NLRP7: variants seen among roughly 807,000 people sequenced by gnomAD.
NLRP7 encodes the protein NACHT, LRR and PYD domains-containing protein 7.
Under a neutral mutation model 85.5 loss-of-function variants are expected in NLRP7, and 72 were observed. The ratio of observed to expected loss-of-function variants is 0.84; its 90% CI spans 0.70 to 1.02. The LOEUF is 1.02. Ranked by LOEUF, NLRP7 falls within the 50% of genes least tolerant of loss-of-function variation. NLRP7 has a pLI of 0.00. For synonymous variants in NLRP7, 550 were observed against 505.2 expected (o/e 1.09, Z -1.19); for missense variants, 1,243 against 1,219.5 (o/e 1.02, Z -0.29).
intron 5 of NLRP7, among the ~76,000 whole-genome samples, chr19:54,936,636 A>G (rs540402647): frequency 3.6e-4 from 54 of 151,534 alleles, no homozygotes; most frequent in African/African-American, 1.2e-3. Flanking sequence ...AACCTGGGCA[A>G]CATGGTGAAA....
At chr19:54,929,561 C>G (rs769781325) in intron 9 of NLRP7, among the ~76,000 whole-genome samples, 1 of 152,036 alleles carries the variant, frequency 6.6e-6, no homozygotes, top group Non-Finnish European at 1.5e-5. Context: ...TTTGTGGAGA[C>G]TTTGCATTTT....
At chr19:54,951,861 C>T (rs2069680149), upstream of NLRP7, among the ~76,000 whole-genome samples, 1 of 152,028 alleles carries the variant, frequency 6.6e-6, no homozygotes, top group Non-Finnish European at 1.5e-5. Flanking sequence ...CACAATTCTC[C>T]TGCCTCAGCC....
chr19:54,940,262 G>A lies in NLRP7; in HGVS notation c.557C>T (p.Thr186Met), dbSNP rs374175601. The change falls in exon 4 of 10, where the codon ACG becomes ATG. Residue 186 changes from threonine to methionine, a missense_variant. Thr to Met is a moderately conservative substitution (Grantham distance 81, BLOSUM62 -1). This residue lies in a region of NLRP7 where 591 missense variants were observed against 563.3 expected (regional missense o/e 1.05). Transcript: ENST00000340844. ...GTCCAGCATACACTTTTTGGCCAGCGTGGTTTTCCCCACGCCTGCGGGGCC... is the reference window on the plus strand; with the variant it reads ...GTCCAGCATACACTTTTTGGCCAGCATGGTTTTCCCCACGCCTGCGGGGCC... 4.6e-5 allele frequency: 75 copies of A among 1,614,056 alleles called. No individual in the cohort carries two copies. The Middle Eastern group carries it at 4.9e-4, about 11-fold the overall frequency.
chr19:54,936,130 A>T, intron 6 of NLRP7, 131 bp downstream of exon 6: 1 of 772,834 alleles, frequency 1.3e-6, no homozygotes, highest in South Asian at 1.5e-5. Context: ...ACTCCCCCAC[A>T]CAGGCCTGTT....
intron 1 of NLRP7, among the ~76,000 whole-genome samples, chr19:54,953,594 G>A (rs376144644): frequency 1.0e-4 from 15 of 149,466 alleles, no homozygotes; most frequent in Non-Finnish European, 1.6e-4. Flanking sequence ...CCTGGGGCGC[G>A]GGGCTGTCTG....
At chr19:54,926,986 A>C (rs1047964360) in intron 9 of NLRP7, among the ~76,000 whole-genome samples, 4 of 151,096 alleles carry the variant, frequency 2.6e-5, no homozygotes, top group Admixed American at 6.6e-5. Context: ...GCTACTCAGG[A>C]GGTTGAGGCA....
chr19:54,952,094 T>G (rs913896015), upstream of NLRP7, among the ~76,000 whole-genome samples: 1 of 152,030 alleles, frequency 6.6e-6, no homozygotes, highest in African/African-American at 2.4e-5. Flanking sequence ...ACAGATAAAC[T>G]CTGGGACATT....
At chr19:54,933,247 G>A (rs779052411) in intron 8 of NLRP7, among the ~76,000 whole-genome samples, 1 of 152,024 alleles carries the variant, frequency 6.6e-6, no homozygotes, top group African/African-American at 2.4e-5. Context: ...CCAGGTTCAC[G>A]CCATTCTCCT....
intron 8 of NLRP7, 24 bp downstream of exon 8, chr19:54,933,545 C>A (rs2068763836): frequency 1.2e-6 from 2 of 1,613,466 alleles, no homozygotes; most frequent in Non-Finnish European, 8.5e-7. Flanking sequence ...TGTGCACACA[C>A]ACACACACCC....
At chr19:54,942,452 G>A (rs1197084596) in intron 1 of NLRP7, among the ~76,000 whole-genome samples, 2 of 151,948 alleles carry the variant, frequency 1.3e-5, no homozygotes, top group South Asian at 2.1e-4. Flanking sequence ...GGCAGGGCGC[G>A]GTGGCTCACG....
Position 54,940,085 on chromosome 19 carries a change from G to A in NLRP7, c.734C>T (p.Ala245Val), listed in dbSNP as rs765567954. The A allele has an allele frequency of 2.5e-6, 4 of 1,614,222 alleles. No individual in the cohort carries two copies. In the South Asian group the frequency reaches 4.4e-5, roughly 18 times the overall value. ...ATCGACCACGAACAGGATTCTCTGTGCTTGGGCTAGGATGCTTGGAATGTC... is the reference window on the plus strand; with the variant it reads ...ATCGACCACGAACAGGATTCTCTGTACTTGGGCTAGGATGCTTGGAATGTC... The change falls in exon 4 of 10, where the codon GCA becomes GTA. Residue 245 changes from alanine (A) to valine (V), a missense_variant. By Grantham distance (64) the Ala-to-Val change is moderately conservative. Coordinates refer to ENST00000340844, the Ensembl canonical transcript of NLRP7.
At chr19:54,947,587 A>C (rs1490320411), upstream of NLRP7, 1 of 1,289,542 alleles carries the variant, frequency 7.8e-7, no homozygotes, top group Non-Finnish European at 1.0e-6. Flanking sequence ...CCCAGGGTGG[A>C]ACCGCCCCAC....
intron 1 of NLRP7, among the ~76,000 whole-genome samples, chr19:54,957,350 T>G (rs1044510335): frequency 2.0e-5 from 3 of 149,038 alleles, no homozygotes; most frequent in Non-Finnish European, 4.5e-5. Context: ...CTTCTTCTTT[T>G]TTTTTTTTTT....
chr19:54,940,281 C>G, exon 4 of NLRP7: 3 of 1,614,100 alleles, frequency 1.9e-6, no homozygotes, highest in South Asian at 1.1e-5. Context: ...CCCACGCCTG[C>G]GGGGCCGTGC....
rs1265741820 is a variant in NLRP7 at position 54,934,117 on chromosome 19, T to C, written c.2471+372A>G. Among the ~76,000 whole-genome samples the C allele has an allele frequency of 6.6e-6, 1 of 152,068 alleles. No homozygotes were observed. Among genetic ancestry groups the C allele is most frequent in the East Asian group, 1.9e-4 (1 of 5,182 alleles). On this transcript the variant is annotated intron_variant, in intron 7 of 9. Transcript: ENST00000340844. This position sits in a 1 kb window ranked among gnomAD's most constrained non-coding sequence, Gnocchi z 6.7. ...CACCACACCTGGATAATTTTTTGTA[T>C]TTTTTAGTAGAGACGGGGTTTCACC... is the stretch of plus-strand genomic sequence containing the variant.
chr19:54,948,898 G>A, upstream of NLRP7: 1 of 189,380 alleles, frequency 5.3e-6, no homozygotes, highest in Admixed American at 4.9e-5. Context: ...CAGAATTTTG[G>A]TAGTTTAAAC....
Position 54,934,890 on chromosome 19 carries a change from T to C in NLRP7, c.2301-231A>G, listed in dbSNP as rs768825867. Among the ~76,000 whole-genome samples, 17 of 152,176 alleles carry C rather than the reference T, an allele frequency of 1.1e-4. 1 individual carries two copies. In the Middle Eastern group the frequency reaches 0.01, roughly 91 times the overall value. ...TTTTGTATTTTTAGTAGAGACGGGA[T>C]TTCACCATGTTGGCCACACTGGTCT... On this transcript the variant is annotated intron_variant, in intron 6 of 9. Coordinates refer to ENST00000340844, the Ensembl canonical transcript of NLRP7. This position sits in a 1 kb window ranked among gnomAD's most constrained non-coding sequence, Gnocchi z 6.7.
At chr19:54,945,238 CAAA>C (rs75770706) in intron 1 of NLRP7, among the ~76,000 whole-genome samples, 1 of 69,672 alleles carries the variant, frequency 1.4e-5, no homozygotes, top group Non-Finnish European at 3.0e-5. Context: ...GACTCCCTCT[CAAA>C]AAAAAAAAAA....
intron 6 of NLRP7, 76 bp downstream of exon 6, chr19:54,936,185 C>A: frequency 7.4e-7 from 1 of 1,358,302 alleles, no homozygotes; most frequent in East Asian, 2.3e-5. Flanking sequence ...GAGTGGTTAC[C>A]CTTTTTCCTA....
Sources: gnomAD v4.1 joint callset for allele counts (sites outside exome capture counted in the v4.1 genomes callset) on GRCh38, gnomAD v4.1.1 for gene constraint, gnomAD v4.1.1 regional missense constraint, Gnocchi (gnomAD v3.1) non-coding constraint, MANE v1.5 for transcripts, NCBI Gene and HGNC (gene_info 2026-07-23, HGNC 2026-07-21) for gene names.